Variants in VPS13B observed in about 807,000 individuals in gnomAD.
VPS13B encodes the protein vacuolar protein sorting 13 homolog B.
A neutral mutation model predicts 426.4 loss-of-function variants in VPS13B; 285 were observed. That is an observed-to-expected ratio of 0.67 (90% CI 0.61 to 0.74). The LOEUF (loss-of-function observed/expected upper bound fraction) is 0.74, where lower values mean the gene tolerates loss of function less well. Among genes scored for constraint, VPS13B ranks in the 30% least tolerant of loss-of-function variants. The probability of loss-of-function intolerance (pLI) is 0.00; values close to 1 mark genes in which losing one functional copy is unlikely to be tolerated. For missense variants in VPS13B, 4,537 were observed against 4,782.6 expected (o/e 0.95, Z 1.51); for synonymous variants, 1,676 against 1,676.4 (o/e 1.00, Z 0.01).
At position 99,819,410 on chromosome 8, in the gene VPS13B, A is replaced by G. The variant is rs386834115; in HGVS notation, c.8622-2A>G. On this transcript the variant is annotated splice_acceptor_variant, in intron 47 of 61. Transcript: ENST00000357162. LOFTEE classifies it high-confidence loss of function. ...TTCTTGGTTTTTATTTCAATTTCCT[A>G]GAGAAGAATATGATCCTTCAGATTG... 6.2e-7 allele frequency: 1 copy of G among 1,613,570 alleles called. No individual in the cohort carries two copies.
At chr8:99,175,636 A>T (rs767583774) in intron 16 of VPS13B, among the ~76,000 whole-genome samples, 1 of 152,140 alleles carries the variant, frequency 6.6e-6, no homozygotes, top group Non-Finnish European at 1.5e-5. Flanking sequence ...ATGTGCCTAT[A>T]GTCTCAGCTG....
chr8:99,185,881 A>G (rs925161937), intron 16 of VPS13B, among the ~76,000 whole-genome samples: 2 of 152,172 alleles, frequency 1.3e-5, no homozygotes, highest in African/African-American at 4.8e-5. Context: ...GTTTGTCAAC[A>G]AATGGTACAA....
intron 31 of VPS13B, among the ~76,000 whole-genome samples, chr8:99,569,822 T>G (rs1408541709): frequency 6.6e-6 from 1 of 152,198 alleles, no homozygotes; most frequent in Non-Finnish European, 1.5e-5. Flanking sequence ...CAAAGCTTAC[T>G]AGAACAGCTT....
chr8:99,392,797 G>A (rs2133315516), intron 21 of VPS13B, among the ~76,000 whole-genome samples: 1 of 152,006 alleles, frequency 6.6e-6, no homozygotes, highest in East Asian at 1.9e-4. Flanking sequence ...TTTATTTTGT[G>A]GAATCATTAG....
At chr8:99,711,215 G>A (rs1339512261) in intron 36 of VPS13B, among the ~76,000 whole-genome samples, 2 of 152,202 alleles carry the variant, frequency 1.3e-5, no homozygotes, top group Admixed American at 6.5e-5. Context: ...GGTGTGTGCA[G>A]TATGTGTAGC....
At chr8:99,574,082 C>G (rs375932320) in intron 31 of VPS13B, among the ~76,000 whole-genome samples, 10 of 152,086 alleles carry the variant, frequency 6.6e-5, no homozygotes, top group East Asian at 5.8e-4. Flanking sequence ...GGAGTTCACT[C>G]ATGATTTGGC....
chr8:99,158,045 T>C, intron 15 of VPS13B, among the ~76,000 whole-genome samples: 1 of 152,176 alleles, frequency 6.6e-6, no homozygotes, highest in East Asian at 1.9e-4. Context: ...GCCATCTCCA[T>C]AACATAAAAG....
At chr8:99,749,933 T>C (rs1810309654) in intron 39 of VPS13B, among the ~76,000 whole-genome samples, 1 of 152,078 alleles carries the variant, frequency 6.6e-6, no homozygotes, top group African/African-American at 2.4e-5. Flanking sequence ...TAAATCCAAG[T>C]AGTTTTATGT....
intron 33 of VPS13B, among the ~76,000 whole-genome samples, chr8:99,618,367 T>G (rs950202661): frequency 1.3e-5 from 2 of 151,766 alleles, no homozygotes; most frequent in Non-Finnish European, 2.9e-5. Context: ...TCACAGAAAG[T>G]TGAAATGACA....
intron 44 of VPS13B, 119 bp from the exon 45 acceptor site, chr8:99,817,421 C>A: frequency 7.4e-7 from 1 of 1,346,056 alleles, no homozygotes; most frequent in Non-Finnish European, 1.0e-6. Context: ...ACTGTTTAAG[C>A]TAATTACTTC....
intron 27 of VPS13B, among the ~76,000 whole-genome samples, chr8:99,503,186 C>T (rs1466843169): frequency 1.3e-5 from 2 of 152,144 alleles, no homozygotes; most frequent in Admixed American, 6.6e-5. Context: ...CACTATACTG[C>T]AGTCTGTGAA....
chr8:99,673,643 T>C (rs1830807651), intron 35 of VPS13B, among the ~76,000 whole-genome samples: 1 of 151,972 alleles, frequency 6.6e-6, no homozygotes, highest in South Asian at 2.1e-4. Context: ...CTTCTACTAA[T>C]TTGGGGCTTT....
chr8:99,816,115 T>A (rs1456029339), intron 44 of VPS13B, among the ~76,000 whole-genome samples: 1 of 152,078 alleles, frequency 6.6e-6, no homozygotes, highest in East Asian at 1.9e-4. Context: ...TCTCTTTTTT[T>A]TTTTTAGACG....
chr8:99,839,512 G>C (rs756297150), intron 54 of VPS13B, among the ~76,000 whole-genome samples: 25 of 152,172 alleles, frequency 1.6e-4, no homozygotes, highest in Non-Finnish European at 2.8e-4. Context: ...AGGGCAATAA[G>C]TTTTATGTCT....
chr8:99,331,374 A>T (rs1810533348), intron 19 of VPS13B, among the ~76,000 whole-genome samples: 1 of 151,770 alleles, frequency 6.6e-6, no homozygotes. Flanking sequence ...TAGAACTGTC[A>T]GCCTGTGTAG....
chr8:99,302,577 T>C, intron 19 of VPS13B, among the ~76,000 whole-genome samples: 1 of 152,188 alleles, frequency 6.6e-6, no homozygotes, highest in Non-Finnish European at 1.5e-5. Context: ...TGGCAAGATC[T>C]TGGCTCACTG....
At chr8:99,101,565 GA>G (rs779947244) in intron 4 of VPS13B, among the ~76,000 whole-genome samples, 4 of 152,168 alleles carry the variant, frequency 2.6e-5, no homozygotes, top group Non-Finnish European at 5.9e-5. Context: ...TCTACTCATG[GA>G]AGAGTAATTG....
chr8:99,592,626 G>A lies in VPS13B; in HGVS notation c.5220+14993G>A, dbSNP rs1368641436. Among the ~76,000 whole-genome samples the A allele has an allele frequency of 3.3e-5, 5 of 151,980 alleles. No homozygotes were observed. The East Asian group carries it at 5.8e-4, about 18-fold the overall frequency. ...GCCAAGATAATTCTAAGCAAAAAGAGCAAAGCTGGAGGCATCACACTACCA... is the reference window on the plus strand; with the variant it reads ...GCCAAGATAATTCTAAGCAAAAAGAACAAAGCTGGAGGCATCACACTACCA... On this transcript the variant is annotated intron_variant, in intron 33 of 61. Coordinates refer to ENST00000357162, the MANE Select transcript of VPS13B (RefSeq NM_152564.5).
intron 19 of VPS13B, among the ~76,000 whole-genome samples, chr8:99,306,778 G>A (rs1191036006): frequency 2.0e-5 from 3 of 152,028 alleles, no homozygotes; most frequent in Non-Finnish European, 4.4e-5. Flanking sequence ...CATGGAAGAG[G>A]CATCTCACTT....
Sources: gnomAD v4.1 joint callset for allele counts (sites outside exome capture counted in the v4.1 genomes callset) on GRCh38, gnomAD v4.1.1 for gene constraint, MANE v1.5 for transcripts, NCBI Gene and HGNC (gene_info 2026-07-23, HGNC 2026-07-21) for gene names.